SEMA5A: variants seen among roughly 807,000 people sequenced by gnomAD.
The protein encoded by SEMA5A is semaphorin 5A.
A neutral mutation model predicts 135.5 loss-of-function variants in SEMA5A; 55 were observed. The ratio of observed to expected loss-of-function variants is 0.41; its 90% confidence interval spans 0.33 to 0.51. SEMA5A has a LOEUF of 0.51. SEMA5A is among the 20% of genes least tolerant of loss of function. The probability of loss-of-function intolerance (pLI) is 0.37; values close to 1 mark genes in which losing one functional copy is unlikely to be tolerated. For missense variants in SEMA5A, 1,290 were observed against 1,419.9 expected, an observed-to-expected ratio of 0.91 and a Z score of 1.47; for synonymous variants, 580 against 546.5, an observed-to-expected ratio of 1.06 and a Z score of -0.85.
rs189336079 is a variant in SEMA5A at position 9,076,048 on chromosome 5, T to C, written c.2074-9402A>G. On this transcript the variant is annotated intron_variant, in intron 16 of 22. Transcript: ENST00000382496. ...GGTGAAACCCCGTCTCTACTAAAAA[T>C]ACAAAAATTAGCTGGGCATGGTGGC... 6.6e-4 allele frequency among the ~76,000 whole-genome samples: 100 copies of C among 151,712 alleles called. 2 individuals are homozygous for C. The East Asian group carries it at 0.016, about 24-fold the overall frequency.
rs1400393242 is a variant in SEMA5A at position 9,108,198 on chromosome 5, C to A, written c.2015G>T (p.Gly672Val). The change falls in exon 16 of 23, where the codon GGC (glycine) becomes GTC (valine). Residue 672 changes from glycine (G) to valine (V), a missense_variant. By Grantham distance (109) the Gly-to-Val change is moderately radical. Coordinates refer to ENST00000382496, the MANE Select transcript of SEMA5A (RefSeq NM_003966.3). The part of the protein sequence containing the change: ...WERCTAQCGG[G>V]IQARRRICEN... ...ACAGATCCTGCGGCGAGCTTGAATG[C>A]CACCCCCGCATTGGGCTGTGCACCG... The A allele has an allele frequency of 2.5e-6, 4 of 1,614,006 alleles. No homozygotes were observed. The African/African-American group carries it at 4.0e-5, about 16-fold the overall frequency.
At chr5:9,284,027 A>G (rs73048639) in intron 5 of SEMA5A, among the ~76,000 whole-genome samples, 3,630 of 152,278 alleles carry the variant, frequency 0.024, 144 homozygotes, top group African/African-American at 0.083. Flanking sequence ...CAGATGATAG[A>G]TAACAGATGA....
At chr5:9,217,142 C>A (rs1370369039) in intron 8 of SEMA5A, among the ~76,000 whole-genome samples, 1 of 152,194 alleles carries the variant, frequency 6.6e-6, no homozygotes, top group East Asian at 1.9e-4. Flanking sequence ...ATATTTAGTG[C>A]TCCTTTCAAG....
chr5:9,312,788 C>A (rs1343796632), intron 5 of SEMA5A, among the ~76,000 whole-genome samples: 1 of 152,154 alleles, frequency 6.6e-6, no homozygotes, highest in African/African-American at 2.4e-5. Flanking sequence ...ACTGTTGACT[C>A]CATGTCCAAA....
At chr5:9,537,404 A>C (rs556619728) in intron 1 of SEMA5A, among the ~76,000 whole-genome samples, 1 of 152,342 alleles carries the variant, frequency 6.6e-6, no homozygotes, top group East Asian at 1.9e-4. Flanking sequence ...AAATGAAAGA[A>C]AACCAAACCA....
In SEMA5A at chr5:9,224,707, G is replaced by A. The variant is rs1579654815; in HGVS notation, c.613C>T (p.Arg205Cys). Reference protein sequence around the residue: ...YRSLGILPPLRTAQYNSKWLN... With the variant: ...YRSLGILPPLCTAQYNSKWLN... ...CATTTGGAGTTGTACTGCGCCGTGC[G>A]GAGAGGAGGTAAAATGCCTAGGCTT... The change falls in exon 8 of 23, where the codon CGC (arginine) becomes TGC (cysteine). Residue 205 changes from arginine to cysteine, a missense_variant. Coordinates refer to ENST00000382496, the MANE Select transcript of SEMA5A (RefSeq NM_003966.3). The A allele has an allele frequency of 2.5e-6, 4 of 1,614,190 alleles. No homozygotes were observed. Among genetic ancestry groups the A allele is most frequent in the East Asian group, 2.2e-5 (1 of 44,882 alleles).
At chr5:9,404,021 G>T (rs965781956) in intron 2 of SEMA5A, among the ~76,000 whole-genome samples, 6 of 152,134 alleles carry the variant, frequency 3.9e-5, no homozygotes, top group Non-Finnish European at 8.8e-5. Context: ...TGCAAACTCT[G>T]CCTCCCCAGT....
At chr5:9,155,414 G>A (rs1019234691) in intron 11 of SEMA5A, among the ~76,000 whole-genome samples, 5 of 151,054 alleles carry the variant, frequency 3.3e-5, no homozygotes, top group South Asian at 2.1e-4. Context: ...GAGGGTGAGC[G>A]GCCCCTGAGC....
At chr5:9,388,641 T>C (rs973823073) in intron 2 of SEMA5A, among the ~76,000 whole-genome samples, 5 of 152,190 alleles carry the variant, frequency 3.3e-5, no homozygotes, top group Non-Finnish European at 5.9e-5. Flanking sequence ...GGCTCACGCC[T>C]GTAATCCCTG....
At chr5:9,098,506 A>C (rs1739449973) in intron 16 of SEMA5A, among the ~76,000 whole-genome samples, 1 of 152,218 alleles carries the variant, frequency 6.6e-6, no homozygotes, top group South Asian at 2.1e-4. Context: ...CGGAAGATGC[A>C]TTTGGAAAAG....
At chr5:9,137,812 T>C (rs13157525) in intron 12 of SEMA5A, among the ~76,000 whole-genome samples, 1 of 152,222 alleles carries the variant, frequency 6.6e-6, no homozygotes, top group African/African-American at 2.4e-5. Flanking sequence ...ATAATCATTG[T>C]TAAAACACCA....
rs180943766 is a variant in SEMA5A at position 9,083,252 on chromosome 5, T to C, written c.2074-16606A>G. Among the ~76,000 whole-genome samples, 100 of 152,320 alleles carry C rather than the reference T, an allele frequency of 6.6e-4. 2 individuals are homozygous for C. Among genetic ancestry groups the C allele is most frequent in the Middle Eastern group, 3.4e-3 (1 of 294 alleles). On this transcript the variant is annotated intron_variant, in intron 16 of 22. Coordinates refer to ENST00000382496, the MANE Select transcript of SEMA5A (RefSeq NM_003966.3). ...TAATGGATCTGGGCTTTGGAAAATA[T>C]GAATGTGTTATCAGCATCACTTTCC...
At chr5:9,213,450 G>A (rs1490195433) in intron 8 of SEMA5A, among the ~76,000 whole-genome samples, 1 of 152,156 alleles carries the variant, frequency 6.6e-6, no homozygotes, top group Non-Finnish European at 1.5e-5. Flanking sequence ...TAGATAGGAG[G>A]GAGCTGTGAT....
intron 4 of SEMA5A, among the ~76,000 whole-genome samples, chr5:9,332,296 C>T (rs1193587479): frequency 6.6e-6 from 1 of 150,808 alleles, no homozygotes; most frequent in Non-Finnish European, 1.5e-5. Flanking sequence ...CAACTATGGG[C>T]TGCTACTCAC....
chr5:9,159,968 C>T (rs1269282569), intron 11 of SEMA5A, among the ~76,000 whole-genome samples: 1 of 152,018 alleles, frequency 6.6e-6, no homozygotes, highest in Middle Eastern at 3.2e-3. Flanking sequence ...AACCAAACAC[C>T]GCATGTTCTC....
chr5:9,182,153 C>G (rs913948588), intron 11 of SEMA5A, among the ~76,000 whole-genome samples: 3 of 128,956 alleles, frequency 2.3e-5, no homozygotes, highest in Non-Finnish European at 5.0e-5. Flanking sequence ...GCTTCTGCCC[C>G]CCACCCCAAA....
intron 15 of SEMA5A, among the ~76,000 whole-genome samples, chr5:9,114,942 T>A (rs939368507): frequency 6.6e-6 from 1 of 152,130 alleles, no homozygotes; most frequent in Admixed American, 6.5e-5. Flanking sequence ...AAGAGTCCTT[T>A]CTAGAGCAAG....
intron 5 of SEMA5A, among the ~76,000 whole-genome samples, chr5:9,259,055 C>T (rs1456965902): frequency 1.3e-5 from 2 of 152,074 alleles, no homozygotes; most frequent in Non-Finnish European, 2.9e-5. Flanking sequence ...CTCCTGACCT[C>T]GGGTGATCTG....
chr5:9,361,035 A>G (rs1288267535), intron 3 of SEMA5A, among the ~76,000 whole-genome samples: 2 of 152,356 alleles, frequency 1.3e-5, no homozygotes, highest in Admixed American at 1.3e-4. Context: ...GCAGTGGCAC[A>G]TGCCTGATAT....
Sources: gnomAD v4.1 joint callset for allele counts (sites outside exome capture counted in the v4.1 genomes callset) on GRCh38, gnomAD v4.1.1 for gene constraint, MANE v1.5 for transcripts, NCBI Gene and HGNC (gene_info 2026-07-23, HGNC 2026-07-21) for gene names.